The following SPECC1 variants were observed in gnomAD, a reference collection of about 807,000 sequenced individuals.
The protein encoded by SPECC1 is cytospin-B.
A neutral mutation model predicts 104.1 loss-of-function variants in SPECC1; 62 were observed. That is an observed-to-expected ratio of 0.60 (90% CI 0.49 to 0.74). The LOEUF (loss-of-function observed/expected upper bound fraction) is 0.74. SPECC1 is among the 30% of genes least tolerant of loss of function. The pLI, the probability that SPECC1 is intolerant of heterozygous loss-of-function variation, is 0.00. For missense variants in SPECC1, 1,306 were observed against 1,310.5 expected (o/e 1.00, Z 0.05); for synonymous variants, 513 against 501.6 (o/e 1.02, Z -0.30).
intron 7 of SPECC1, chr17:20,238,921 T>TA: frequency 6.7e-6 from 7 of 1,041,528 alleles, no homozygotes; most frequent in Non-Finnish European, 8.1e-6. Context: ...AATCACCAGC[T>TA]ACGTTTCTGC....
intron 1 of SPECC1, among the ~76,000 whole-genome samples, chr17:20,065,827 G>A (rs2046338656): frequency 1.3e-5 from 2 of 152,098 alleles, no homozygotes. Context: ...TCCTGTCTTG[G>A]GCACGTGAAA....
At chr17:20,050,538 C>T (rs1157392102) in intron 1 of SPECC1, among the ~76,000 whole-genome samples, 1 of 152,124 alleles carries the variant, frequency 6.6e-6, no homozygotes, top group Non-Finnish European at 1.5e-5. Context: ...TCAGTAGTTC[C>T]TTCACAGTAA....
chr17:20,013,595 G>A (rs934581254), intron 1 of SPECC1, among the ~76,000 whole-genome samples: 7 of 152,098 alleles, frequency 4.6e-5, no homozygotes, highest in South Asian at 2.1e-4. Flanking sequence ...TCCGGCTTTC[G>A]GGTTCAAACG....
chr17:20,025,255 T>C (rs535533376), intron 1 of SPECC1, among the ~76,000 whole-genome samples: 1 of 152,268 alleles, frequency 6.6e-6, no homozygotes, highest in African/African-American at 2.4e-5. Flanking sequence ...AAGAACCAGC[T>C]CTGCTGACAC....
At chr17:20,263,169 A>G (rs1213433234) in intron 12 of SPECC1, among the ~76,000 whole-genome samples, 1 of 149,864 alleles carries the variant, frequency 6.7e-6, no homozygotes, top group African/African-American at 2.4e-5. Context: ...CCCCCAGCCC[A>G]TCAGCCACGC....
At chr17:20,027,858 T>G (rs550034705) in intron 1 of SPECC1, among the ~76,000 whole-genome samples, 2 of 152,350 alleles carry the variant, frequency 1.3e-5, no homozygotes, top group East Asian at 3.9e-4. Context: ...AATATTGCCT[T>G]GGCTATTTTG....
Position 20,020,575 on chromosome 17 carries a change from G to C in SPECC1, c.-22+11151G>C, listed in dbSNP as rs577116009. On this transcript the variant is annotated intron_variant, in intron 1 of 14. Coordinates refer to ENST00000395527, the MANE Select transcript of SPECC1 (RefSeq NM_001243439.2). The stretch of plus-strand genomic sequence containing the variant: ...TCTCAAACTCCTAATCTTGTGATCC[G>C]CCCGCCTCAGCCTCCCAAAGTGCTG... Among the ~76,000 whole-genome samples, 38 of 152,112 alleles carry C rather than the reference G, an allele frequency of 2.5e-4. No homozygotes were observed. The South Asian group carries it at 7.7e-3, about 31-fold the overall frequency.
chr17:20,146,789 C>T (rs895087090), intron 3 of SPECC1, among the ~76,000 whole-genome samples: 1 of 152,020 alleles, frequency 6.6e-6, no homozygotes, highest in African/African-American at 2.4e-5. Context: ...GCCTGTAATC[C>T]CAGCTACTTG....
chr17:20,055,689 C>G (rs1264201649), intron 1 of SPECC1, among the ~76,000 whole-genome samples: 3 of 152,238 alleles, frequency 2.0e-5, no homozygotes, highest in African/African-American at 7.2e-5. Flanking sequence ...TTGTTTTTCA[C>G]TAAAGGCAGT....
At chr17:20,199,553 C>T (rs900913807) in intron 3 of SPECC1, among the ~76,000 whole-genome samples, 7 of 151,468 alleles carry the variant, frequency 4.6e-5, no homozygotes, top group Admixed American at 2.0e-4. Context: ...GGTGCATGCC[C>T]CCATTCCCAG....
At chr17:20,255,079 G>A (rs1172714059) in intron 10 of SPECC1, among the ~76,000 whole-genome samples, 1 of 152,146 alleles carries the variant, frequency 6.6e-6, no homozygotes, top group Non-Finnish European at 1.5e-5. Context: ...TTTCTACCAT[G>A]TGCCTCTTGG....
intron 12 of SPECC1, among the ~76,000 whole-genome samples, chr17:20,271,256 G>A (rs150070434): frequency 3.3e-5 from 5 of 151,950 alleles, no homozygotes; most frequent in East Asian, 3.9e-4. Context: ...TGACTAGCAC[G>A]TTTATCAACT....
intron 1 of SPECC1, 78 bp from the exon 2 acceptor site, chr17:20,096,553 G>A (rs1331426756): frequency 7.5e-6 from 11 of 1,457,598 alleles, no homozygotes; most frequent in East Asian, 2.3e-5. Context: ...GACGTGGTAT[G>A]TGGGGTGTAA....
Position 20,314,749 on chromosome 17 carries a change from C to G in SPECC1, c.*684C>G, listed in dbSNP as rs2042017823. ...AAATAAACATTTGTTCCAGGGCAAC[C>G]TGGAAACGTGCGTGCGCACTCAGCC... On this transcript the variant is annotated 3_prime_UTR_variant, in exon 15 of 15. Transcript: ENST00000395527. 4.8e-6 allele frequency: 1 copy of G among 207,222 alleles called. No homozygotes were observed. The highest frequency in any genetic ancestry group is 9.4e-6 in the Non-Finnish European group (1 of 106,754). The allele number at this position is 207,222 out of a possible 1,614,324, so 12.8% of individuals were successfully genotyped here. A position where few individuals can be genotyped will look rare whatever the true frequency, so the allele number is the denominator to read the frequency against.
At chr17:20,111,836 GC>G in intron 3 of SPECC1, 1 of 835,298 alleles carries the variant, frequency 1.2e-6, no homozygotes, top group Non-Finnish European at 2.1e-6. Flanking sequence ...GAGGTGGGTG[GC>G]CCTGTTCCTG....
intron 7 of SPECC1, among the ~76,000 whole-genome samples, chr17:20,240,163 C>T (rs1439472645): frequency 2.0e-5 from 3 of 146,814 alleles, no homozygotes; most frequent in African/African-American, 7.6e-5. Flanking sequence ...GTGATCCTCC[C>T]AACTCAGCCT....
At chr17:20,139,616 C>A (rs1236198411) in intron 3 of SPECC1, among the ~76,000 whole-genome samples, 2 of 152,174 alleles carry the variant, frequency 1.3e-5, no homozygotes, top group African/African-American at 2.4e-5. Context: ...TCTTTATTAA[C>A]TTCCTTTCTC....
chr17:20,312,344 T>C (rs1247021449), intron 14 of SPECC1, among the ~76,000 whole-genome samples: 1 of 103,732 alleles, frequency 9.6e-6, no homozygotes, highest in East Asian at 4.5e-4. Context: ...TAACATCTTT[T>C]CACAAATTCT....
chr17:20,241,350 C>T (rs1423154100), intron 7 of SPECC1, among the ~76,000 whole-genome samples: 1 of 152,150 alleles, frequency 6.6e-6, no homozygotes, highest in Non-Finnish European at 1.5e-5. Context: ...CTAGGGTAAA[C>T]CAACCTTGGC....
Sources: gnomAD v4.1 joint callset for allele counts (sites outside exome capture counted in the v4.1 genomes callset) on GRCh38, gnomAD v4.1.1 for gene constraint, MANE v1.5 for transcripts, NCBI Gene and HGNC (gene_info 2026-07-23, HGNC 2026-07-21) for gene names.